LRRC43: variants seen among roughly 807,000 people sequenced by gnomAD.
LRRC43 encodes the protein leucine-rich repeat-containing protein 43.
Under a neutral mutation model 64.3 loss-of-function variants are expected in LRRC43, and 62 were observed. The observed-to-expected ratio is 0.96, with a 90% CI of 0.79 to 1.19. LRRC43 has a LOEUF of 1.19. Among genes scored for constraint, LRRC43 ranks in the 50% most tolerant of loss-of-function variants. The probability of loss-of-function intolerance (pLI) is 0.00; values close to 1 mark genes in which losing one functional copy is unlikely to be tolerated. For missense variants in LRRC43, 868 were observed against 845.0 expected (o/e 1.03, Z -0.34); for synonymous variants, 422 against 382.3 (o/e 1.10, Z -1.21).
chr12:122,170,805 T>G (rs4758680), intron 1 of LRRC43, among the ~76,000 whole-genome samples: 102,960 of 151,436 alleles, frequency 0.68, 35,156 homozygotes, highest in East Asian at 0.78. Context: ...ATAAGATGAA[T>G]ATATAGGTGC....
chr12:122,185,043 C>T (rs1181297434), intron 2 of LRRC43, among the ~76,000 whole-genome samples: 1 of 152,236 alleles, frequency 6.6e-6, no homozygotes, highest in Non-Finnish European at 1.5e-5. Flanking sequence ...GTGGACCCTC[C>T]TGGGTCCTAG....
rs185521554 is a variant in LRRC43 at position 122,203,203 on chromosome 12, T to C, written c.1844-112T>C. 1.0e-4 allele frequency: 117 copies of C among 1,174,984 alleles called. No homozygotes were observed. In the African/African-American group the frequency reaches 1.1e-3, roughly 11 times the overall value. The allele number at this position is 1,174,984 out of a possible 1,614,324, so 72.8% of individuals were successfully genotyped here. A position where few individuals can be genotyped will look rare whatever the true frequency, so the allele number is the denominator to read the frequency against. ...ACTGTTAACACCCGAGGACCAAAACTGTGCTCCCGCTGGGACAGGGTCCAG... is the reference window on the plus strand; with the variant it reads ...ACTGTTAACACCCGAGGACCAAAACCGTGCTCCCGCTGGGACAGGGTCCAG... On this transcript the variant is annotated intron_variant, in intron 11 of 11. Coordinates refer to ENST00000339777, the MANE Select transcript of LRRC43 (RefSeq NM_001098519.2).
In LRRC43 at chr12:122,184,645, T is replaced by A; in HGVS notation, c.277T>A (p.Ser93Thr). ...GCTGGGCCTGGTCCGCAGCCGCCAC[T>A]CCCCCTGGGCTCTGCTGAACAACTC... ...ALLGLVRSRH[S>T]PWALLNNSNA... is the part of the protein sequence containing the mutation. The change falls in exon 2 of 12, where the codon TCC becomes ACC. Residue 93 changes from serine to threonine, a missense_variant. Physicochemically the swap from Ser to Thr is moderately conservative, Grantham distance 58. Transcript: ENST00000339777. This position sits in a 1 kb window ranked among gnomAD's most constrained non-coding sequence, Gnocchi z 4.0. 1.9e-6 allele frequency: 3 copies of A among 1,613,860 alleles called. No individual in the cohort carries two copies. The highest frequency in any genetic ancestry group is 2.5e-6 in the Non-Finnish European group (3 of 1,179,854).
intron 1 of LRRC43, chr12:122,173,747 A>T: frequency 9.4e-7 from 1 of 1,061,276 alleles, no homozygotes; most frequent in Non-Finnish European, 1.4e-6. Context: ...GCATAGCTAC[A>T]GCCCTGGTTT....
chr12:122,182,028 C>T (rs1192049529), upstream of LRRC43, among the ~76,000 whole-genome samples: 1 of 152,042 alleles, frequency 6.6e-6, no homozygotes, highest in Non-Finnish European at 1.5e-5. Context: ...AGTATTAAAA[C>T]GTGGGGCCCT....
chr12:122,190,348 G>A lies in LRRC43; in HGVS notation c.881G>A (p.Arg294Gln), dbSNP rs372232440. The A allele has an allele frequency of 2.6e-5, 42 of 1,613,644 alleles. No homozygotes were observed. Among genetic ancestry groups the A allele is most frequent in the East Asian group, 6.7e-5 (3 of 44,874 alleles). The change falls in exon 5 of 12, where the codon CGG becomes CAG. Residue 294 changes from arginine to glutamine, a missense_variant. Arg to Gln is a conservative substitution (Grantham distance 43). Coordinates refer to ENST00000339777, the MANE Select transcript of LRRC43 (RefSeq NM_001098519.2). ...TVSPNEKHLF[R>Q]GLSLNGDLLA... ...TCTCCCAATGAGAAGCATCTCTTCCGGGGGCTCAGCCTCAATGGCGGTGAG... is the reference window on the plus strand; with the variant it reads ...TCTCCCAATGAGAAGCATCTCTTCCAGGGGCTCAGCCTCAATGGCGGTGAG...
intron 7 of LRRC43, among the ~76,000 whole-genome samples, chr12:122,193,684 C>A (rs1475626098): frequency 1.3e-5 from 2 of 152,142 alleles, no homozygotes; most frequent in African/African-American, 2.4e-5. Context: ...TGTGCCTCAG[C>A]CTACAGTTGG....
chr12:122,169,657 A>C (rs1181223486), intron 1 of LRRC43, among the ~76,000 whole-genome samples: 1 of 141,382 alleles, frequency 7.1e-6, no homozygotes, highest in Non-Finnish European at 1.5e-5. Context: ...CAGAGGTTGC[A>C]GTGAGCCGAG....
chr12:122,178,193 C>T (rs1593141423), upstream of LRRC43, among the ~76,000 whole-genome samples: 1 of 135,988 alleles, frequency 7.4e-6, no homozygotes, highest in South Asian at 2.4e-4. Flanking sequence ...CAATAGAGAA[C>T]TAATACAGTA....
chr12:122,190,770 C>T (rs759799051), intron 5 of LRRC43, among the ~76,000 whole-genome samples: 6 of 151,210 alleles, frequency 4.0e-5, no homozygotes, highest in Admixed American at 2.0e-4. Flanking sequence ...GGCTGAGGCA[C>T]GAGAATCTTT....
At chr12:122,172,306 T>A in intron 1 of LRRC43, 1 of 822,102 alleles carries the variant, frequency 1.2e-6, no homozygotes, top group Non-Finnish European at 2.0e-6. Context: ...AGATTATTCA[T>A]TGGAAAAATG....
rs957717224 is a variant in LRRC43, at chr12:122,169,681, A to C, written c.-406+1899A>C. ...CAGTGAGCCGAGATCGTGCCACTGC[A>C]CTCCAGCCTGGGCGACAGAGCGAGA... On this transcript the variant is annotated intron_variant, in intron 1 of 5. Transcript: ENST00000537729. Among the ~76,000 whole-genome samples, 12 of 137,578 alleles carry C rather than the reference A, an allele frequency of 8.7e-5. No individual in the cohort carries two copies. The South Asian group carries it at 2.3e-3, about 27-fold the overall frequency. The allele number at this position is 137,578 out of a possible 152,430, so 90.3% of individuals were successfully genotyped here.
intron 1 of LRRC43, among the ~76,000 whole-genome samples, chr12:122,176,438 C>T (rs1953537595): frequency 6.6e-6 from 1 of 152,160 alleles, no homozygotes; most frequent in Non-Finnish European, 1.5e-5. Context: ...TTTTATTCCA[C>T]ATGTGACGAG....
chr12:122,193,852 G>A (rs1254401766), intron 7 of LRRC43, among the ~76,000 whole-genome samples: 1 of 152,164 alleles, frequency 6.6e-6, no homozygotes, highest in Non-Finnish European at 1.5e-5. Flanking sequence ...CAGCCATCGC[G>A]CCCAGCCTGA....
In LRRC43 at chr12:122,173,983, G is replaced by A. The variant is rs377244972; in HGVS notation, c.-406+6201G>A. Reference sequence around the variant, plus strand: ...GCAGCAGAACAGAAAGAGCACAGACGTCGAGGGGCCTGGAGAGAGAACGAT... The same window carrying A: ...GCAGCAGAACAGAAAGAGCACAGACATCGAGGGGCCTGGAGAGAGAACGAT... On this transcript the variant is annotated intron_variant, in intron 1 of 5. Transcript: ENST00000537729. 6.8e-6 allele frequency: 11 copies of A among 1,613,986 alleles called. No homozygotes were observed. The highest frequency in any genetic ancestry group is 4.5e-5 in the East Asian group (2 of 44,894).
At chr12:122,168,451 A>AG (rs1295000037) in intron 1 of LRRC43, among the ~76,000 whole-genome samples, 2 of 151,866 alleles carry the variant, frequency 1.3e-5, no homozygotes, top group East Asian at 3.9e-4. Flanking sequence ...CAAAAAAAAA[A>AG]AAAAAGAGGT....
At chr12:122,191,631 C>T (rs2136046636) in intron 6 of LRRC43, 64 bp downstream of exon 6, 3 of 1,279,772 alleles carry the variant, frequency 2.3e-6, no homozygotes, top group South Asian at 3.0e-5. Context: ...GCTTTGTGGG[C>T]CCCAGGAAAA....
chr12:122,186,141 C>A, intron 2 of LRRC43, 49 bp from the exon 3 acceptor site: 1 of 1,034,854 alleles, frequency 9.7e-7, no homozygotes, highest in Non-Finnish European at 1.5e-6. Flanking sequence ...GTTCTGTGCC[C>A]GTGCTCCCTC....
chr12:122,181,139 G>C (rs1953577209), upstream of LRRC43, among the ~76,000 whole-genome samples: 1 of 150,922 alleles, frequency 6.6e-6, no homozygotes, highest in Non-Finnish European at 1.5e-5. Flanking sequence ...GACCGCTTCA[G>C]TTCAGGAGGT....
Sources: gnomAD v4.1 joint callset for allele counts (sites outside exome capture counted in the v4.1 genomes callset) on GRCh38, gnomAD v4.1.1 for gene constraint, Gnocchi (gnomAD v3.1) non-coding constraint, MANE v1.5 for transcripts, NCBI Gene and HGNC (gene_info 2026-07-23, HGNC 2026-07-21) for gene names.